The following GLP2R variants were observed in gnomAD, a reference collection of about 807,000 sequenced individuals.
The protein encoded by GLP2R is glucagon-like peptide 2 receptor.
GLP2R carries 59 observed loss-of-function variants against 68.2 expected under a neutral mutation model. The ratio of observed to expected loss-of-function variants is 0.87; its 90% CI spans 0.70 to 1.07. The LOEUF (loss-of-function observed/expected upper bound fraction) is 1.07, where lower values mean the gene tolerates loss of function less well. GLP2R is among the 50% of genes least tolerant of loss of function. The probability of loss-of-function intolerance (pLI) is 0.00; values close to 1 mark genes in which losing one functional copy is unlikely to be tolerated. For synonymous variants in GLP2R, 270 were observed against 265.4 expected, an observed-to-expected ratio of 1.02 and a Z score of -0.17; for missense variants, 548 against 677.4, an observed-to-expected ratio of 0.81 and a Z score of 2.12.
chr17:9,850,692 C>CTTTT (rs11288196), intron 4 of GLP2R, among the ~76,000 whole-genome samples: 4 of 125,998 alleles, frequency 3.2e-5, no homozygotes, highest in East Asian at 2.4e-4. Context: ...GATTTTTTCA[C>CTTTT]TTTTTTTTTT....
At chr17:9,836,516 C>T (rs1226700729) in intron 3 of GLP2R, 41 bp downstream of exon 3, 1 of 1,206,254 alleles carries the variant, frequency 8.3e-7, no homozygotes. Context: ...CAACCAAGTG[C>T]TTTTCTGAAG....
intron 4 of GLP2R, among the ~76,000 whole-genome samples, chr17:9,848,879 G>C (rs955924611): frequency 2.1e-5 from 3 of 144,122 alleles, no homozygotes; most frequent in Non-Finnish European, 4.6e-5. Context: ...GTGTGTGTGT[G>C]TGTGTGTGTG....
rs114545279 is a variant in GLP2R, at chr17:9,859,709, C to G, written c.766-233C>G. Among the ~76,000 whole-genome samples the G allele has an allele frequency of 2.3e-3, 347 of 148,436 alleles. 2 individuals are homozygous for G. The highest frequency in any genetic ancestry group is 8.2e-3 in the African/African-American group (335 of 40,712). ...TGGCACTTGCCTGTAATCCTAGCTACTCGGGGGGCTGACGCAGGAGAATCA... is the reference window on the plus strand; with the variant it reads ...TGGCACTTGCCTGTAATCCTAGCTAGTCGGGGGGCTGACGCAGGAGAATCA... On this transcript the variant is annotated intron_variant, in intron 6 of 12. Coordinates refer to ENST00000262441, the MANE Select transcript of GLP2R (RefSeq NM_004246.3).
At chr17:9,842,103 G>T (rs1024889529) in intron 3 of GLP2R, among the ~76,000 whole-genome samples, 8 of 152,166 alleles carry the variant, frequency 5.3e-5, no homozygotes, top group Non-Finnish European at 1.0e-4. Flanking sequence ...TTCAGCCCCA[G>T]TCTGTCAGCC....
intron 2 of GLP2R, 25 bp downstream of exon 2, chr17:9,833,919 T>C: frequency 6.9e-7 from 1 of 1,441,700 alleles, no homozygotes; most frequent in Non-Finnish European, 9.8e-7. Flanking sequence ...TAGTTATCCG[T>C]GGCTGTGTAA....
At chr17:9,877,492 A>G (rs2067151350) in intron 10 of GLP2R, among the ~76,000 whole-genome samples, 1 of 152,216 alleles carries the variant, frequency 6.6e-6, no homozygotes, top group African/African-American at 2.4e-5. Context: ...GGAAAAGGAC[A>G]TTAGCGGGAA....
intron 1 of GLP2R, 91 bp downstream of exon 1, chr17:9,826,343 A>G: frequency 1.2e-6 from 1 of 810,112 alleles, no homozygotes; most frequent in Non-Finnish European, 1.8e-6. Flanking sequence ...AGCAATTTGG[A>G]AAAGAGAAAA....
At position 9,890,350 on chromosome 17, in the gene GLP2R, T is replaced by C. The variant is rs1362543327; in HGVS notation, c.*645T>C. 3.4e-6 allele frequency: 1 copy of C among 292,276 alleles called. No individual in the cohort carries two copies. The highest frequency in any genetic ancestry group is 6.7e-6 in the Non-Finnish European group (1 of 149,340). The allele number at this position is 292,276 out of a possible 1,614,324, so 18.1% of individuals were successfully genotyped here. On this transcript the variant is annotated 3_prime_UTR_variant, in exon 13 of 13. Transcript: ENST00000262441. ...TCAGCTGGGGTGTGCCTGCCCTCCT[T>C]GGAGAGTATGTAACTCCACCCACCA...
chr17:9,870,807 C>G lies in GLP2R; in HGVS notation c.1117C>G (p.Gln373Glu), dbSNP rs200313014. Reference protein sequence around the residue: ...KLLISKLKAHQMCFRDYKYRL... With the variant: ...KLLISKLKAHEMCFRDYKYRL... ...TCTCATTTCTAAGCTCAAAGCTCAT[C>G]AAATGTGCTTCAGAGATTATAAATA... The change falls in exon 10 of 13, where the codon CAA becomes GAA. Residue 373 changes from glutamine to glutamate, a missense_variant. Coordinates refer to ENST00000262441, the MANE Select transcript of GLP2R (RefSeq NM_004246.3). 6.4e-7 allele frequency: 1 copy of G among 1,566,352 alleles called. No individual in the cohort carries two copies. The highest frequency in any genetic ancestry group is 8.8e-7 in the Non-Finnish European group (1 of 1,136,302).
intron 3 of GLP2R, among the ~76,000 whole-genome samples, chr17:9,838,328 C>A (rs761813732): frequency 2.6e-5 from 4 of 152,154 alleles, no homozygotes; most frequent in Non-Finnish European, 5.9e-5. Flanking sequence ...AAGGTCACTC[C>A]GAGGAGTCAA....
intron 1 of GLP2R, among the ~76,000 whole-genome samples, chr17:9,827,114 C>G: frequency 6.6e-6 from 1 of 152,132 alleles, no homozygotes; most frequent in East Asian, 1.9e-4. Flanking sequence ...AGTGATCTAC[C>G]CGCCTCGGCC....
At chr17:9,874,775 G>A (rs576699683) in intron 10 of GLP2R, among the ~76,000 whole-genome samples, 5 of 152,096 alleles carry the variant, frequency 3.3e-5, no homozygotes, top group Admixed American at 1.3e-4. Context: ...TTCCTAATCC[G>A]CAACACCAGA....
At chr17:9,870,974 A>G in intron 10 of GLP2R, 139 bp downstream of exon 10, 2 of 602,464 alleles carry the variant, frequency 3.3e-6, no homozygotes, top group South Asian at 2.1e-5. Flanking sequence ...GTGCTATAGG[A>G]TCAAGTGAGG....
At chr17:9,857,380 C>T in intron 5 of GLP2R, 43 bp from the exon 6 acceptor site, 1 of 1,599,384 alleles carries the variant, frequency 6.3e-7, no homozygotes, top group Non-Finnish European at 8.6e-7. Flanking sequence ...TGGTTGGAGC[C>T]ATTCTTTCCT....
In GLP2R at chr17:9,890,443, T is replaced by C. The variant is rs1234497355; in HGVS notation, c.*738T>C. Reference sequence around the variant, plus strand: ...CCTCTCTCTCTCTTTGCCTCAGTTCTCTGTCCCTGCACAGCAGGAGTTCTG... The same window carrying C: ...CCTCTCTCTCTCTTTGCCTCAGTTCCCTGTCCCTGCACAGCAGGAGTTCTG... On this transcript the variant is annotated 3_prime_UTR_variant, in exon 13 of 13. Transcript: ENST00000262441. The C allele has an allele frequency of 1.2e-4, 22 of 188,386 alleles. No individual in the cohort carries two copies. The highest frequency in any genetic ancestry group is 2.0e-4 in the Non-Finnish European group (18 of 90,890). The allele number at this position is 188,386 out of a possible 1,614,324, so 11.7% of individuals were successfully genotyped here. A position where few individuals can be genotyped will look rare whatever the true frequency, so the allele number is the denominator to read the frequency against.
At chr17:9,855,881 A>G (rs1315625542) in intron 5 of GLP2R, among the ~76,000 whole-genome samples, 1 of 152,252 alleles carries the variant, frequency 6.6e-6, no homozygotes, top group Non-Finnish European at 1.5e-5. Context: ...TCATGCTTTT[A>G]GAAATCAGGC....
intron 12 of GLP2R, among the ~76,000 whole-genome samples, chr17:9,888,985 T>C (rs980026425): frequency 2.6e-5 from 4 of 152,190 alleles, no homozygotes; most frequent in Non-Finnish European, 4.4e-5. Flanking sequence ...TCCACTTACA[T>C]AGAATGTACA....
chr17:9,846,532 C>T (rs1041187580), intron 4 of GLP2R, among the ~76,000 whole-genome samples: 8 of 152,156 alleles, frequency 5.3e-5, no homozygotes, highest in African/African-American at 1.7e-4. Context: ...GTGGGAGGAT[C>T]ACTTAAGCCC....
At chr17:9,850,611 G>A (rs73255052) in intron 4 of GLP2R, among the ~76,000 whole-genome samples, 1,792 of 151,894 alleles carry the variant, frequency 0.012, 40 homozygotes, top group African/African-American at 0.041. Context: ...TTAAGCTCCA[G>A]CTTCCCACCA....
Sources: allele counts gnomAD v4.1 joint callset (sites outside exome capture counted in the v4.1 genomes callset), GRCh38; gene constraint gnomAD v4.1.1; transcripts MANE v1.5; gene names NCBI Gene and HGNC (gene_info 2026-07-23, HGNC 2026-07-21).